The following NCKAP5 variants were observed in gnomAD, a reference collection of about 807,000 sequenced individuals.
NCKAP5 encodes the protein NCK associated protein 5.
A neutral mutation model predicts 167.0 loss-of-function variants in NCKAP5; 92 were observed. The ratio of observed to expected loss-of-function variants is 0.55; its 90% CI spans 0.47 to 0.66. NCKAP5 has a LOEUF of 0.66. NCKAP5 is among the 30% of genes least tolerant of loss of function. The pLI is 0.00. For missense variants in NCKAP5, 2,378 were observed against 2,315.0 expected, an observed-to-expected ratio of 1.03 and a Z score of -0.56; for synonymous variants, 891 against 877.4, an observed-to-expected ratio of 1.02 and a Z score of -0.27.
At chr2:133,630,164 A>C in the NCKAP5 span, among the ~76,000 whole-genome samples, 1 of 152,186 alleles carries the variant, frequency 6.6e-6, no homozygotes, top group African/African-American at 2.4e-5. Flanking sequence ...CATTGTTTCA[A>C]AAAGAAAATA....
intron 8 of NCKAP5, among the ~76,000 whole-genome samples, chr2:132,946,846 C>T (rs951271461): frequency 4.6e-5 from 7 of 152,062 alleles, no homozygotes; most frequent in Non-Finnish European, 7.4e-5. Flanking sequence ...TGCAGTGAGC[C>T]GAGATGGCGC....
At chr2:133,634,500 C>T in the NCKAP5 span, among the ~76,000 whole-genome samples, 1 of 152,182 alleles carries the variant, frequency 6.6e-6, no homozygotes, top group Non-Finnish European at 1.5e-5. Context: ...TTTTTCACCA[C>T]CCCACCTTAG....
chr2:133,035,734 A>G (rs1484819948), intron 6 of NCKAP5, among the ~76,000 whole-genome samples: 1 of 152,016 alleles, frequency 6.6e-6, no homozygotes, highest in East Asian at 1.9e-4. Context: ...CTAAAAAGAA[A>G]AAAAACTTCA....
At chr2:133,009,898 T>C (rs894535987) in intron 6 of NCKAP5, among the ~76,000 whole-genome samples, 1 of 151,892 alleles carries the variant, frequency 6.6e-6, no homozygotes, top group African/African-American at 2.4e-5. Flanking sequence ...TGAAACCCTG[T>C]CTCTATTAAA....
chr2:133,070,948 C>A (rs988877487), intron 6 of NCKAP5, among the ~76,000 whole-genome samples: 8 of 152,114 alleles, frequency 5.3e-5, no homozygotes, highest in Admixed American at 5.2e-4. Context: ...CCTTTCTAAT[C>A]TTAATAATTT....
intron 11 of NCKAP5, among the ~76,000 whole-genome samples, chr2:132,853,560 A>T (rs965759248): frequency 6.6e-6 from 1 of 152,218 alleles, no homozygotes; most frequent in Admixed American, 6.5e-5. Flanking sequence ...CAATTAATAC[A>T]TATATCTAAT....
chr2:132,962,601 G>T (rs925810358), intron 8 of NCKAP5, among the ~76,000 whole-genome samples: 38 of 151,926 alleles, frequency 2.5e-4, no homozygotes, highest in Admixed American at 2.0e-4. Context: ...TTTTTTGTTT[G>T]TTTGTTTGTT....
intron 8 of NCKAP5, chr2:132,926,193 T>C: frequency 2.5e-6 from 1 of 401,002 alleles, no homozygotes; most frequent in Non-Finnish European, 5.1e-6. Context: ...GGCCTCCAGT[T>C]CCATCCATGT....
chr2:133,081,218 C>T (rs759643101), intron 6 of NCKAP5, among the ~76,000 whole-genome samples: 6 of 152,072 alleles, frequency 3.9e-5, no homozygotes, highest in South Asian at 2.1e-4. Context: ...TAATATTTTA[C>T]GCTCTCTTCC....
At chr2:133,188,620 AT>A (rs1284632325) in intron 5 of NCKAP5, among the ~76,000 whole-genome samples, 1 of 152,176 alleles carries the variant, frequency 6.6e-6, no homozygotes, top group African/African-American at 2.4e-5. Flanking sequence ...AGAACTCAGG[AT>A]TAAGAAACTC....
chr2:132,865,995 T>C (rs1690318824), intron 10 of NCKAP5, among the ~76,000 whole-genome samples: 2 of 152,170 alleles, frequency 1.3e-5, no homozygotes, highest in Non-Finnish European at 1.5e-5. Context: ...ATTGCCCCTT[T>C]ACAGGGGAAA....
At chr2:132,716,144 T>C (rs147565090) in intron 19 of NCKAP5, among the ~76,000 whole-genome samples, 274 of 152,300 alleles carry the variant, frequency 1.8e-3, no homozygotes, top group Non-Finnish European at 2.8e-3. Context: ...AGAGGCACAA[T>C]TGCACTGGTG....
At chr2:133,042,252 T>C (rs1300582636) in intron 6 of NCKAP5, among the ~76,000 whole-genome samples, 4 of 152,148 alleles carry the variant, frequency 2.6e-5, no homozygotes, top group African/African-American at 4.8e-5. Context: ...TGGCAAGGTA[T>C]AGAAAGCACC....
At chr2:133,604,096 G>C in the NCKAP5 span, among the ~76,000 whole-genome samples, 3 of 152,220 alleles carry the variant, frequency 2.0e-5, no homozygotes, top group African/African-American at 7.2e-5. Context: ...GTTGTGCGAG[G>C]TAGGTAAGGC....
intron 12 of NCKAP5, among the ~76,000 whole-genome samples, chr2:132,793,197 T>C (rs1454445598): frequency 2.6e-5 from 4 of 152,088 alleles, no homozygotes; most frequent in South Asian, 2.1e-4. Context: ...TTAGTAGAGA[T>C]GGGGTTTCTC....
chr2:133,231,242 G>A (rs1460730233), intron 4 of NCKAP5, among the ~76,000 whole-genome samples: 1 of 152,186 alleles, frequency 6.6e-6, no homozygotes, highest in Non-Finnish European at 1.5e-5. Flanking sequence ...TTACAACAGA[G>A]TCATCCATGG....
rs568483488 is a variant in NCKAP5 at position 133,187,445 on chromosome 2, C to T, written c.207+26271G>A. Among the ~76,000 whole-genome samples, 358 of 152,152 alleles carry T rather than the reference C, an allele frequency of 2.4e-3. 1 individual carries two copies. Among genetic ancestry groups the T allele is most frequent in the Middle Eastern group, 3.4e-3 (1 of 294 alleles). On this transcript the variant is annotated intron_variant, in intron 5 of 19. Coordinates refer to ENST00000409261, the MANE Select transcript of NCKAP5 (RefSeq NM_207363.3). ...TGGCATGCATCTGCAATCCCAGCTA[C>T]TTTGGAAGCTATAGTGGGAAGATCC...
At chr2:133,495,456 T>C (rs1681861336) in intron 3 of NCKAP5, among the ~76,000 whole-genome samples, 1 of 117,650 alleles carries the variant, frequency 8.5e-6, no homozygotes, top group Admixed American at 8.3e-5. Context: ...ACAGGGACTG[T>C]GTACAGATCT....
intron 4 of NCKAP5, among the ~76,000 whole-genome samples, chr2:133,271,960 G>A (rs1298079027): frequency 6.6e-6 from 1 of 152,038 alleles, no homozygotes; most frequent in Non-Finnish European, 1.5e-5. Context: ...GCTAAGTTGT[G>A]TGCAGATAAA....
Sources: gnomAD v4.1 joint callset for allele counts (sites outside exome capture counted in the v4.1 genomes callset) on GRCh38, gnomAD v4.1.1 for gene constraint, MANE v1.5 for transcripts, NCBI Gene and HGNC (gene_info 2026-07-23, HGNC 2026-07-21) for gene names.